PIP4K2A: variants seen among roughly 807,000 people sequenced by gnomAD.
PIP4K2A encodes the protein phosphatidylinositol-5-phosphate 4-kinase type 2 alpha, also known as phosphatidylinositol 5-phosphate 4-kinase type-2 alpha.
PIP4K2A carries 14 observed loss-of-function variants against 42.9 expected under a neutral mutation model. The ratio of observed to expected loss-of-function variants is 0.33; its 90% confidence interval spans 0.22 to 0.51. The LOEUF is 0.51. Among genes scored for constraint, PIP4K2A ranks in the 20% least tolerant of loss-of-function variants. The pLI, the probability that PIP4K2A is intolerant of heterozygous loss-of-function variation, is 0.97. For missense variants in PIP4K2A, 434 were observed against 519.8 expected (o/e 0.83, Z 1.61); for synonymous variants, 192 against 192.2 (o/e 1.00, Z 0.01).
intron 4 of PIP4K2A, among the ~76,000 whole-genome samples, chr10:22,574,986 CGA>C (rs1289080911): frequency 2.0e-5 from 3 of 152,018 alleles, no homozygotes; most frequent in Non-Finnish European, 4.4e-5. Context: ...CGTAGGTTTG[CGA>C]GCCAGAAAGG....
intron 1 of PIP4K2A, 24 bp downstream of exon 1, chr10:22,714,159 C>A (rs374200409): frequency 6.3e-7 from 1 of 1,590,804 alleles, no homozygotes. Flanking sequence ...GGAAGGGGAC[C>A]GCGCGCCGCA....
chr10:22,701,933 C>G (rs907481428), intron 1 of PIP4K2A, among the ~76,000 whole-genome samples: 2 of 152,138 alleles, frequency 1.3e-5, no homozygotes, highest in African/African-American at 2.4e-5. Flanking sequence ...AATAGGAAAC[C>G]TTTTCTCCAT....
intron 1 of PIP4K2A, among the ~76,000 whole-genome samples, chr10:22,685,105 G>A (rs1179329881): frequency 6.6e-6 from 1 of 151,954 alleles, no homozygotes; most frequent in Non-Finnish European, 1.5e-5. Flanking sequence ...ATTTTCAATA[G>A]GACTTTGATT....
At chr10:22,628,686 G>A (rs190336971) in intron 1 of PIP4K2A, among the ~76,000 whole-genome samples, 1 of 152,254 alleles carries the variant, frequency 6.6e-6, no homozygotes, top group East Asian at 1.9e-4. Context: ...CCAGGTCATA[G>A]GTAGATTGAA....
chr10:22,655,834 A>C (rs1839089097), intron 1 of PIP4K2A, among the ~76,000 whole-genome samples: 1 of 152,158 alleles, frequency 6.6e-6, no homozygotes, highest in African/African-American at 2.4e-5. Context: ...TTTGTGCAAG[A>C]GTGGAGTTTC....
At chr10:22,554,459 TAG>T (rs1459367037) in intron 6 of PIP4K2A, among the ~76,000 whole-genome samples, 2 of 152,162 alleles carry the variant, frequency 1.3e-5, no homozygotes, top group Non-Finnish European at 2.9e-5. Flanking sequence ...TATTTGCGCT[TAG>T]AGTTTTCCAA....
Position 22,621,554 on chromosome 10 carries a change from C to T in PIP4K2A, c.145-11837G>A, listed in dbSNP as rs75060793. On this transcript the variant is annotated intron_variant, in intron 1 of 9. Transcript: ENST00000376573. Reference sequence around the variant, plus strand: ...AAGGTGCTAGATGATACCAAGCTGGCCAGAAGCCCTAAATCTCATACCTAA... The same window carrying T: ...AAGGTGCTAGATGATACCAAGCTGGTCAGAAGCCCTAAATCTCATACCTAA... Among the ~76,000 whole-genome samples, 1,207 of 152,286 alleles carry T rather than the reference C, an allele frequency of 7.9e-3. 14 individuals are homozygous for T. Among genetic ancestry groups the T allele is most frequent in the Non-Finnish European group, 0.012 (850 of 68,016 alleles).
At chr10:22,637,547 C>T (rs1838693064) in intron 1 of PIP4K2A, among the ~76,000 whole-genome samples, 2 of 152,294 alleles carry the variant, frequency 1.3e-5, no homozygotes, top group South Asian at 4.1e-4. Flanking sequence ...ATTTGCCATC[C>T]TCAAGAAAGC....
chr10:22,692,457 T>C (rs1469465223), intron 1 of PIP4K2A, among the ~76,000 whole-genome samples: 1 of 152,142 alleles, frequency 6.6e-6, no homozygotes, highest in Non-Finnish European at 1.5e-5. Flanking sequence ...GGATCTGTCT[T>C]AGACAACAGA....
chr10:22,585,898 T>C (rs7895928), intron 4 of PIP4K2A, among the ~76,000 whole-genome samples: 94,140 of 152,004 alleles, frequency 0.62, 29,644 homozygotes, highest in East Asian at 0.94. Context: ...GTCCAGTCAA[T>C]ACTTTTCAAT....
At chr10:22,687,445 A>G (rs1180627026) in intron 1 of PIP4K2A, among the ~76,000 whole-genome samples, 1 of 152,154 alleles carries the variant, frequency 6.6e-6, no homozygotes, top group Non-Finnish European at 1.5e-5. Flanking sequence ...TTAGAGGTCT[A>G]ATGTAGACCT....
chr10:22,703,453 G>A lies in PIP4K2A; in HGVS notation c.144+10730C>T, dbSNP rs1362125329. Among the ~76,000 whole-genome samples, 8 of 152,020 alleles carry A rather than the reference G, an allele frequency of 5.3e-5. No homozygotes were observed. The South Asian group carries it at 1.5e-3, about 28-fold the overall frequency. ...TAAAAGAGGGAAAAACATTCCCGAC[G>A]AAGAGAAAAATAAAGACTGAAGAAC... On this transcript the variant is annotated intron_variant, in intron 1 of 9. Coordinates refer to ENST00000376573, the MANE Select transcript of PIP4K2A (RefSeq NM_005028.5).
At chr10:22,598,717 GT>G (rs1461904720) in intron 3 of PIP4K2A, among the ~76,000 whole-genome samples, 1 of 152,100 alleles carries the variant, frequency 6.6e-6, no homozygotes, top group Admixed American at 6.5e-5. Flanking sequence ...CCCTTACTCT[GT>G]TATCTGATTA....
intron 1 of PIP4K2A, among the ~76,000 whole-genome samples, chr10:22,687,154 A>T (rs941392305): frequency 6.6e-6 from 1 of 152,130 alleles, no homozygotes; most frequent in Non-Finnish European, 1.5e-5. Flanking sequence ...TAAAAAAAAA[A>T]AAAAAGGATG....
chr10:22,555,327 T>C (rs1836510717), intron 6 of PIP4K2A, among the ~76,000 whole-genome samples: 1 of 152,176 alleles, frequency 6.6e-6, no homozygotes, highest in Non-Finnish European at 1.5e-5. Context: ...AAAGGGGGAT[T>C]TGCAAACATA....
intron 7 of PIP4K2A, among the ~76,000 whole-genome samples, chr10:22,544,988 A>G (rs769097197): frequency 2.6e-5 from 4 of 152,126 alleles, no homozygotes; most frequent in Admixed American, 6.5e-5. Context: ...ATTTTGTTGG[A>G]GTATTTGAGC....
rs1222224785 is a variant in PIP4K2A, at chr10:22,619,812, A to G, written c.145-10095T>C. Among the ~76,000 whole-genome samples, 4 of 152,354 alleles carry G rather than the reference A, an allele frequency of 2.6e-5. No individual in the cohort carries two copies. In the East Asian group the frequency reaches 5.8e-4, roughly 22 times the overall value. On this transcript the variant is annotated intron_variant, in intron 1 of 9. Coordinates refer to ENST00000376573, the MANE Select transcript of PIP4K2A (RefSeq NM_005028.5). ...TAAGACAAAAATCAAAGATCCAAGT[A>G]TATTTTAATTAACATTTTCTTCTGA...
intron 1 of PIP4K2A, among the ~76,000 whole-genome samples, chr10:22,699,827 A>G (rs1329072546): frequency 1.3e-5 from 2 of 152,324 alleles, no homozygotes; most frequent in Non-Finnish European, 2.9e-5. Context: ...TAAAATCCAG[A>G]TTTTAGGCAG....
In PIP4K2A at chr10:22,573,334, C is replaced by A. The variant is rs1450250339; in HGVS notation, c.616G>T (p.Val206Leu). The change falls in exon 5 of 10, where the codon GTG (valine) becomes TTG (leucine). Residue 206 changes from valine to leucine, a missense_variant. By Grantham distance (32) the Val-to-Leu change is conservative. Coordinates refer to ENST00000376573, the MANE Select transcript of PIP4K2A (RefSeq NM_005028.5). The stretch of plus-strand genomic sequence containing the variant: ...ACCTTTAAGTCGTATTTCCTATACA[C>A]AGACAAACGGTGGCTGAATACATTT... ...TRNVFSHRLS[V>L]YRKYDLKGST... 1.9e-6 allele frequency: 3 copies of A among 1,613,812 alleles called. No homozygotes were observed. In the South Asian group the frequency reaches 3.3e-5, roughly 18 times the overall value.
Sources: gnomAD v4.1 joint callset for allele counts (sites outside exome capture counted in the v4.1 genomes callset) on GRCh38, gnomAD v4.1.1 for gene constraint, MANE v1.5 for transcripts, NCBI Gene and HGNC (gene_info 2026-07-23, HGNC 2026-07-21) for gene names.